The following RGS7 variants were observed in gnomAD, a reference collection of about 807,000 sequenced individuals.
RGS7 encodes the protein regulator of G-protein signaling 7.
RGS7 carries 27 observed loss-of-function variants against 81.1 expected under a neutral mutation model. The ratio of observed to expected loss-of-function variants is 0.33; its 90% CI spans 0.25 to 0.46. The LOEUF (loss-of-function observed/expected upper bound fraction) is 0.46, where lower values mean the gene tolerates loss of function less well. Ranked by LOEUF, RGS7 falls within the 20% of genes least tolerant of loss-of-function variation. The probability of loss-of-function intolerance (pLI) is 1.00; values close to 1 mark genes in which losing one functional copy is unlikely to be tolerated. For missense variants in RGS7, 396 were observed against 607.4 expected (o/e 0.65, Z 3.66); for synonymous variants, 208 against 207.7 (o/e 1.00, Z -0.01).
chr1:241,284,896 A>G (rs1392880716), intron 2 of RGS7, among the ~76,000 whole-genome samples: 3 of 151,370 alleles, frequency 2.0e-5, no homozygotes, highest in Non-Finnish European at 2.9e-5. Flanking sequence ...TTTGAGATGG[A>G]GTCTCCCTCT....
At position 241,271,451 on chromosome 1, in the gene RGS7, C is replaced by T. The variant is rs1019992730; in HGVS notation, c.78+84248G>A. Among the ~76,000 whole-genome samples the T allele has an allele frequency of 6.6e-6, 1 of 152,240 alleles. No homozygotes were observed. The highest frequency in any genetic ancestry group is 1.5e-5 in the Non-Finnish European group (1 of 68,044). On this transcript the variant is annotated intron_variant, in intron 2 of 18. Coordinates refer to ENST00000440928, the MANE Select transcript of RGS7 (RefSeq NM_001364886.1). This position sits in a 1 kb window ranked among gnomAD's most constrained non-coding sequence, Gnocchi z 4.6. ...TAAATGCATTAAGGCTTTCCAGTGG[C>T]CTCCCATAGCAGGATTCCTCCAACA... is the stretch of plus-strand genomic sequence containing the variant.
At position 241,265,484 on chromosome 1, in the gene RGS7, G is replaced by T. The variant is rs190538418; in HGVS notation, c.78+90215C>A. On this transcript the variant is annotated intron_variant, in intron 2 of 18. Transcript: ENST00000440928. ...GGCAGGTGGAGGACAGCCACAGGAG[G>T]TGTAGGTAGCCAGAGGCAGTCTTAT... Among the ~76,000 whole-genome samples, 22 of 152,330 alleles carry T rather than the reference G, an allele frequency of 1.4e-4. No homozygotes were observed. The East Asian group carries it at 4.2e-3, about 29-fold the overall frequency.
intron 2 of RGS7, among the ~76,000 whole-genome samples, chr1:241,199,103 A>AG (rs2073296028): frequency 6.9e-6 from 1 of 145,750 alleles, no homozygotes; most frequent in East Asian, 1.9e-4. Flanking sequence ...TGTAAAAAAA[A>AG]GAAGTCATCT....
rs191098238 is a variant in RGS7 at position 241,158,581 on chromosome 1, A to G, written c.79-59819T>C. Among the ~76,000 whole-genome samples the G allele has an allele frequency of 3.2e-4, 49 of 152,336 alleles. 1 individual carries two copies. Among genetic ancestry groups the G allele is most frequent in the African/African-American group, 1.1e-3 (46 of 41,578 alleles). ...GTGCAGCCGTGTTAATGTTAAATAG[A>G]TGAATGCATGGATGGATCTTTTAAC... On this transcript the variant is annotated intron_variant, in intron 2 of 18. Transcript: ENST00000440928.
chr1:241,305,879 T>A (rs540270985), intron 2 of RGS7: 6 of 254,994 alleles, frequency 2.4e-5, no homozygotes, highest in South Asian at 2.3e-4. Flanking sequence ...CATGGGGTAG[T>A]GCAGGACCAT....
At chr1:241,054,739 A>AT (rs1170679405) in intron 3 of RGS7, among the ~76,000 whole-genome samples, 1 of 152,140 alleles carries the variant, frequency 6.6e-6, no homozygotes, top group Admixed American at 6.6e-5. Context: ...TGACTCTTCT[A>AT]TTTTCTTTCT....
chr1:241,128,094 T>C (rs568927317), intron 2 of RGS7, among the ~76,000 whole-genome samples: 33 of 150,764 alleles, frequency 2.2e-4, no homozygotes, highest in African/African-American at 7.1e-4. Flanking sequence ...CTGACTAACA[T>C]GGTGAAACCC....
intron 9 of RGS7, among the ~76,000 whole-genome samples, chr1:240,838,895 T>C (rs1695145301): frequency 6.6e-6 from 1 of 152,056 alleles, no homozygotes; most frequent in Non-Finnish European, 1.5e-5. Flanking sequence ...GCCTCCTAAT[T>C]AGCTTTAGGA....
intron 3 of RGS7, among the ~76,000 whole-genome samples, chr1:241,053,898 T>G (rs1572466277): frequency 6.6e-6 from 1 of 152,226 alleles, no homozygotes; most frequent in East Asian, 1.9e-4. Flanking sequence ...TCTTTCACCT[T>G]CTGCCGTGAT....
At chr1:241,291,226 A>G (rs2093884217) in intron 2 of RGS7, among the ~76,000 whole-genome samples, 1 of 152,220 alleles carries the variant, frequency 6.6e-6, no homozygotes, top group Non-Finnish European at 1.5e-5. Context: ...CCCTGAGGAC[A>G]TCAGGATCAA....
chr1:240,827,410 A>G (rs2147794447), intron 9 of RGS7, among the ~76,000 whole-genome samples: 1 of 152,322 alleles, frequency 6.6e-6, no homozygotes, highest in Non-Finnish European at 1.5e-5. Context: ...AATAACTCCC[A>G]GAGAAACAGG....
intron 2 of RGS7, among the ~76,000 whole-genome samples, chr1:241,198,435 G>T (rs567433120): frequency 6.6e-6 from 1 of 151,928 alleles, no homozygotes; most frequent in Non-Finnish European, 1.5e-5. Context: ...TATAGTTGAT[G>T]ATAACTTGTC....
chr1:240,997,274 C>T (rs1006200668), intron 3 of RGS7, among the ~76,000 whole-genome samples: 1 of 152,056 alleles, frequency 6.6e-6, no homozygotes, highest in Non-Finnish European at 1.5e-5. Context: ...AGCCACCGCA[C>T]CTAGCTCTAA....
At chr1:240,965,713 T>A (rs962149686) in intron 4 of RGS7, among the ~76,000 whole-genome samples, 2 of 152,168 alleles carry the variant, frequency 1.3e-5, no homozygotes, top group Admixed American at 6.5e-5. Context: ...AGGGGTGTGA[T>A]GACATGATTC....
At chr1:241,029,856 T>C (rs1389822189) in intron 3 of RGS7, among the ~76,000 whole-genome samples, 1 of 152,222 alleles carries the variant, frequency 6.6e-6, no homozygotes, top group Non-Finnish European at 1.5e-5. Flanking sequence ...CCTGATCTTA[T>C]TTCATTTCTC....
At chr1:241,128,521 G>A (rs1186828089) in intron 2 of RGS7, among the ~76,000 whole-genome samples, 1 of 151,690 alleles carries the variant, frequency 6.6e-6, no homozygotes, top group East Asian at 1.9e-4. Flanking sequence ...CGGGGCGGAG[G>A]TTACAGTGAG....
intron 3 of RGS7, among the ~76,000 whole-genome samples, chr1:241,021,527 C>T (rs997940759): frequency 2.0e-5 from 3 of 152,164 alleles, no homozygotes; most frequent in South Asian, 2.1e-4. Context: ...ACTGGAAACA[C>T]GGATTCACAA....
chr1:241,076,105 G>A (rs537186899), intron 3 of RGS7, among the ~76,000 whole-genome samples: 36 of 152,270 alleles, frequency 2.4e-4, no homozygotes, highest in African/African-American at 8.2e-4. Context: ...CCCTCCTGGA[G>A]GACCCCACAG....
chr1:241,266,922 A>G (rs934124783), intron 2 of RGS7, among the ~76,000 whole-genome samples: 2 of 152,194 alleles, frequency 1.3e-5, no homozygotes, highest in African/African-American at 4.8e-5. Flanking sequence ...TACTTACAAG[A>G]CCAATCCTAT....
Sources: gnomAD v4.1 joint callset for allele counts (sites outside exome capture counted in the v4.1 genomes callset) on GRCh38, gnomAD v4.1.1 for gene constraint, Gnocchi (gnomAD v3.1) non-coding constraint, MANE v1.5 for transcripts, NCBI Gene and HGNC (gene_info 2026-07-23, HGNC 2026-07-21) for gene names.